Variants in AP1M2 observed in about 807,000 individuals in gnomAD.
AP1M2 encodes the protein adaptor related protein complex 1 subunit mu 2.
A neutral mutation model predicts 54.6 loss-of-function variants in AP1M2; 41 were observed. That is an observed-to-expected ratio of 0.75 (90% confidence interval 0.59 to 0.97). AP1M2 has a LOEUF of 0.97. AP1M2 is among the 50% of genes least tolerant of loss of function. The pLI is 0.00. For synonymous variants in AP1M2, 219 were observed against 215.9 expected, an observed-to-expected ratio of 1.01 and a Z score of -0.13; for missense variants, 507 against 561.2, an observed-to-expected ratio of 0.90 and a Z score of 0.98.
intron 8 of AP1M2, among the ~76,000 whole-genome samples, chr19:10,577,755 T>TTTG (rs1401635898): frequency 2.8e-5 from 3 of 108,504 alleles, no homozygotes; most frequent in East Asian, 3.8e-4. Flanking sequence ...TTTTTTTTTT[T>TTTG]AGACGGAGTC....
chr19:10,578,982 G>A lies in AP1M2; in HGVS notation c.817-19C>T. Reference sequence around the variant, plus strand: ...GCTTGACCTGTGGGAAGAAGAAGGGGAGAGTTCTTGGAGACTCCATGTTGA... The same window carrying A: ...GCTTGACCTGTGGGAAGAAGAAGGGAAGAGTTCTTGGAGACTCCATGTTGA... On this transcript the variant is annotated intron_variant, in intron 7 of 11. Coordinates refer to ENST00000250244, the MANE Select transcript of AP1M2 (RefSeq NM_005498.5). 12 of 1,568,164 alleles carry A rather than the reference G, an allele frequency of 7.7e-6. No homozygotes were observed. Among genetic ancestry groups the A allele is most frequent in the Non-Finnish European group, 1.0e-5 (12 of 1,148,828 alleles).
At chr19:10,584,512 G>A (rs897927674) in intron 1 of AP1M2, among the ~76,000 whole-genome samples, 5 of 151,928 alleles carry the variant, frequency 3.3e-5, no homozygotes, top group Non-Finnish European at 7.4e-5. Context: ...CCTGGGAGGC[G>A]GAGATTGCAG....
intron 6 of AP1M2, 61 bp downstream of exon 6, chr19:10,581,205 G>C: frequency 6.5e-7 from 1 of 1,549,092 alleles, no homozygotes; most frequent in East Asian, 2.3e-5. Context: ...AAGTCCCCAC[G>C]TGGGGCGGGT....
At position 10,580,847 on chromosome 19, in the gene AP1M2, C is replaced by T. The variant is rs532472013; in HGVS notation, c.673+419G>A. Among the ~76,000 whole-genome samples, 8 of 151,870 alleles carry T rather than the reference C, an allele frequency of 5.3e-5. No homozygotes were observed. In the South Asian group the frequency reaches 6.3e-4, roughly 12 times the overall value. On this transcript the variant is annotated intron_variant, in intron 6 of 11. Coordinates refer to ENST00000250244, the MANE Select transcript of AP1M2 (RefSeq NM_005498.5). ...GTCCATGCCTGTAGTCCCAGCTACT[C>T]GAGAGGCTGAGGTGGGAGGATCAGT...
At chr19:10,583,129 T>C (rs1917518394) in intron 3 of AP1M2, among the ~76,000 whole-genome samples, 1 of 138,722 alleles carries the variant, frequency 7.2e-6, no homozygotes, top group Admixed American at 8.5e-5. Context: ...CCTGGCCTTT[T>C]TCTTTTTTTT....
At chr19:10,577,030 C>T (rs913431714) in intron 9 of AP1M2, among the ~76,000 whole-genome samples, 168 bp downstream of exon 9, 1 of 152,024 alleles carries the variant, frequency 6.6e-6, no homozygotes, top group African/African-American at 2.4e-5. Flanking sequence ...TGGGTTCAAG[C>T]GATCTGCCCG....
chr19:10,582,969 G>C (rs1941533105), intron 3 of AP1M2, among the ~76,000 whole-genome samples: 1 of 151,534 alleles, frequency 6.6e-6, no homozygotes, highest in Non-Finnish European at 1.5e-5. Context: ...GGGATTACAG[G>C]CAGGTGCCAC....
chr19:10,586,489 G>A (rs553390485), intron 1 of AP1M2, among the ~76,000 whole-genome samples: 23 of 151,372 alleles, frequency 1.5e-4, no homozygotes, highest in African/African-American at 5.6e-4. Context: ...AAATAGCCGG[G>A]CATGGAGGGG....
intron 9 of AP1M2, 68 bp from the exon 10 acceptor site, chr19:10,575,097 AC>A: frequency 9.3e-6 from 13 of 1,402,182 alleles, no homozygotes; most frequent in Non-Finnish European, 1.1e-5. Context: ...CCTTTCAGCA[AC>A]CCCTGGAGTC....
chr19:10,574,813 C>T (rs956012083), intron 10 of AP1M2, 91 bp downstream of exon 10: 89 of 1,455,752 alleles, frequency 6.1e-5, no homozygotes, highest in Non-Finnish European at 7.3e-5. Context: ...TTGACACAGG[C>T]CAGGGGACTG....
Position 10,585,272 on chromosome 19 carries a change from GAAAGAAGAAAAAAAGAAAGA to G in AP1M2, c.43-1222_43-1203del, listed in dbSNP as rs1568434634. On this transcript the variant is annotated intron_variant, in intron 1 of 11. Coordinates refer to ENST00000250244, the MANE Select transcript of AP1M2 (RefSeq NM_005498.5). ...GGAAAGAAGGAAAGAAGGAAAGAAAGAAAGAAGAAAAAAAGAAAGAAAGAAAGAAAGAAAGAAAGAAAGAA... is the reference window on the plus strand; with the variant it reads ...GGAAAGAAGGAAAGAAGGAAAGAAAGAAGAAAGAAAGAAAGAAAGAAAGAA... Among the ~76,000 whole-genome samples the G allele has an allele frequency of 9.0e-3, 975 of 108,904 alleles. 18 individuals carry two copies. Among genetic ancestry groups the G allele is most frequent in the Non-Finnish European group, 0.014 (750 of 54,080 alleles). The allele number at this position is 108,904 out of a possible 152,430, so 71.4% of individuals were successfully genotyped here. A position where few individuals can be genotyped will look rare whatever the true frequency, so the allele number is the denominator to read the frequency against.
intron 9 of AP1M2, 49 bp from the exon 10 acceptor site, chr19:10,575,078 C>T (rs374309556): frequency 9.2e-6 from 13 of 1,417,058 alleles, no homozygotes; most frequent in South Asian, 1.6e-5. Flanking sequence ...CCTACCCTCC[C>T]GAGACCTTCC....
intron 8 of AP1M2, among the ~76,000 whole-genome samples, chr19:10,578,147 T>C (rs1369467230): frequency 6.6e-6 from 1 of 152,220 alleles, no homozygotes; most frequent in East Asian, 1.9e-4. Flanking sequence ...TAACAGTTGT[T>C]GGCTGTGTAT....
intron 1 of AP1M2, among the ~76,000 whole-genome samples, chr19:10,585,272 GAAAGAAGAAAA>G (rs1307070906): frequency 1.8e-5 from 2 of 108,962 alleles, no homozygotes; most frequent in African/African-American, 7.0e-5. Context: ...AGGAAAGAAA[GAAAGAAGAAAA>G]AAAGAAAGAA....
chr19:10,576,636 T>G (rs1917245062), intron 9 of AP1M2, among the ~76,000 whole-genome samples: 1 of 151,710 alleles, frequency 6.6e-6, no homozygotes, highest in Non-Finnish European at 1.5e-5. Context: ...TGACCTCAGG[T>G]GATCTGCCCG....
Position 10,578,894 on chromosome 19 carries a change from T to G in AP1M2, c.886A>C (p.Lys296Gln). ...ATAAGCATTCCCCCAAGGCCCACCT[T>G]GACCATGATCTCCACGCGGCTGTGG... Reference protein sequence around the residue: ...FSHSRVEIMVKAKGQFKKQSV... With the variant: ...FSHSRVEIMVQAKGQFKKQSV... Residue 296 changes from lysine (K) to glutamine (Q), a missense_variant and splice_region_variant, in exon 8 of 12, where the codon AAG becomes CAG. Physicochemically the swap from Lys to Gln is moderately conservative, Grantham distance 53. Coordinates refer to ENST00000250244, the MANE Select transcript of AP1M2 (RefSeq NM_005498.5). 6.2e-7 allele frequency: 1 copy of G among 1,606,868 alleles called. No individual in the cohort carries two copies.
At chr19:10,585,321 AAG>A (rs759515998) in intron 1 of AP1M2, among the ~76,000 whole-genome samples, 1 of 141,732 alleles carries the variant, frequency 7.1e-6, no homozygotes. Context: ...GAAAGAAAGA[AAG>A]AAAGAAAGAA....
intron 3 of AP1M2, among the ~76,000 whole-genome samples, chr19:10,583,088 A>T (rs2360746): frequency 1.3e-5 from 2 of 151,012 alleles, no homozygotes; most frequent in Non-Finnish European, 2.9e-5. Flanking sequence ...AGCCTCCCAA[A>T]GTACTGGGAT....
chr19:10,585,660 C>T (rs952303425), intron 1 of AP1M2, among the ~76,000 whole-genome samples: 3 of 151,498 alleles, frequency 2.0e-5, no homozygotes, highest in African/African-American at 4.9e-5. Flanking sequence ...TCACACCAGC[C>T]TGGTGACAGA....
Sources: gnomAD v4.1 joint callset for allele counts (sites outside exome capture counted in the v4.1 genomes callset) on GRCh38, gnomAD v4.1.1 for gene constraint, MANE v1.5 for transcripts, NCBI Gene and HGNC (gene_info 2026-07-23, HGNC 2026-07-21) for gene names.